The following ZNF526 variants were observed in gnomAD, a reference collection of about 807,000 sequenced individuals.
ZNF526 encodes the protein zinc finger protein 526.
ZNF526 carries 16 observed loss-of-function variants against 32.4 expected under a neutral mutation model. That is an observed-to-expected ratio of 0.49 (90% CI 0.33 to 0.75). The LOEUF (loss-of-function observed/expected upper bound fraction) is 0.75, where lower values mean the gene tolerates loss of function less well. Among genes scored for constraint, ZNF526 ranks in the 30% least tolerant of loss-of-function variants. ZNF526 has a pLI of 0.02. For missense variants in ZNF526, 838 were observed against 920.7 expected, an observed-to-expected ratio of 0.91 and a Z score of 1.16; for synonymous variants, 355 against 363.4, an observed-to-expected ratio of 0.98 and a Z score of 0.26.
In ZNF526 at chr19:42,228,162, T is replaced by C. The variant is rs1436295056; in HGVS notation, c.*1746T>C. 2 of 149,540 alleles carry C rather than the reference T, an allele frequency of 1.3e-5. No homozygotes were observed. Among genetic ancestry groups the C allele is most frequent in the East Asian group, 3.9e-4 (2 of 5,086 alleles). The allele number at this position is 149,540 out of a possible 1,614,324, so 9.3% of individuals were successfully genotyped here. On this transcript the variant is annotated 3_prime_UTR_variant, in exon 3 of 3. Coordinates refer to ENST00000301215, the MANE Select transcript of ZNF526 (RefSeq NM_133444.3). ...CTGCAGTGAGCTGTGTTCACACCAC[T>C]GCACTCCAGTCTGGGCAACAGTGCA...
rs2036155079 is a variant in ZNF526 at position 42,224,670 on chromosome 19, G to A, written c.267G>A (p.Leu89=). ...TTGCTGTCTCAGAGGAGGAGGCACTGACCACACAGAATGTTGGCCTGGAGC... is the reference window on the plus strand; with the variant it reads ...TTGCTGTCTCAGAGGAGGAGGCACTAACCACACAGAATGTTGGCCTGGAGC... ...HMLAVSEEEA[L]TTQNVGLEPE... The change falls in exon 3 of 3, where the codon CTG becomes CTA. Residue 89 remains leucine, a synonymous_variant. Transcript: ENST00000301215. 2.5e-6 allele frequency: 4 copies of A among 1,614,070 alleles called. No homozygotes were observed. The highest frequency in any genetic ancestry group is 1.1e-5 in the South Asian group (1 of 91,084).
chr19:42,224,001 A>G (rs1474553459), intron 1 of ZNF526, among the ~76,000 whole-genome samples: 1 of 140,502 alleles, frequency 7.1e-6, no homozygotes, highest in Non-Finnish European at 1.5e-5. Context: ...ATATATATAT[A>G]TACAAAAATT....
At chr19:42,223,363 C>T (rs575291027) in intron 1 of ZNF526, among the ~76,000 whole-genome samples, 7 of 152,298 alleles carry the variant, frequency 4.6e-5, no homozygotes, top group South Asian at 2.1e-4. Context: ...AAAAATTGGC[C>T]GGGCGTGGTG....
At position 42,227,286 on chromosome 19, in the gene ZNF526, G is replaced by T. The variant is rs2036190068; in HGVS notation, c.*870G>T. ...AAGTAGGAATCTGGCAGTGAAAGAG[G>T]AAAAGAACATTCCAGGCAGACAGCA... On this transcript the variant is annotated 3_prime_UTR_variant, in exon 3 of 3. Coordinates refer to ENST00000301215, the MANE Select transcript of ZNF526 (RefSeq NM_133444.3). The T allele has an allele frequency of 6.0e-6, 1 of 167,254 alleles. No individual in the cohort carries two copies. The highest frequency in any genetic ancestry group is 1.5e-5 in the Non-Finnish European group (1 of 68,272). The allele number at this position is 167,254 out of a possible 1,614,324, so 10.4% of individuals were successfully genotyped here. A position where few individuals can be genotyped will look rare whatever the true frequency, so the allele number is the denominator to read the frequency against.
Position 42,225,494 on chromosome 19 carries a change from A to G in ZNF526, c.1091A>G (p.Asp364Gly). 6.2e-7 allele frequency: 1 copy of G among 1,614,082 alleles called. No individual in the cohort carries two copies. Among genetic ancestry groups the G allele is most frequent in the Non-Finnish European group, 8.5e-7 (1 of 1,179,972 alleles). ...GGGGAAGCCCGCTACCTCTGTGTAGACTGTGGCCGCGGCTTTGGCACAGAA... is the reference window on the plus strand; with the variant it reads ...GGGGAAGCCCGCTACCTCTGTGTAGGCTGTGGCCGCGGCTTTGGCACAGAA... ...HRGEARYLCV[D>G]CGRGFGTELT... Residue 364 changes from aspartate to glycine, a missense_variant, in exon 3 of 3, where the codon GAC (aspartate) becomes GGC (glycine). Asp to Gly is a moderately conservative substitution (Grantham distance 94). Transcript: ENST00000301215.
chr19:42,226,812 T>G lies in ZNF526; in HGVS notation c.*396T>G. The stretch of plus-strand genomic sequence containing the variant: ...GATCCTCTGCTTGTACCCCCAGCCC[T>G]TGCCTTCCCTGGATTTTGGGCACCC... On this transcript the variant is annotated 3_prime_UTR_variant, in exon 3 of 3. Transcript: ENST00000301215. 6.3e-6 allele frequency: 2 copies of G among 319,188 alleles called. No individual in the cohort carries two copies. 19.8% of individuals were successfully genotyped at this position (319,188 alleles called of 1,614,324 possible). A position where few individuals can be genotyped will look rare whatever the true frequency, so the allele number is the denominator to read the frequency against.
chr19:42,225,769 C>A lies in ZNF526; in HGVS notation c.1366C>A (p.Arg456=). The A allele has an allele frequency of 6.2e-7, 1 of 1,613,320 alleles. No individual in the cohort carries two copies. Among genetic ancestry groups the A allele is most frequent in the Non-Finnish European group, 8.5e-7 (1 of 1,179,928 alleles). ...CTCCAAGTCCTTTGCCTCAGCTTCC[C>A]GGCTGTCCCGGCACCGGCGTGCAGT... ...QCSKSFASAS[R]LSRHRRAVHG... Residue 456 remains arginine (R), a synonymous_variant, in exon 3 of 3, where the codon CGG becomes AGG. Transcript: ENST00000301215.
chr19:42,226,606 A>G lies in ZNF526; in HGVS notation c.*190A>G, dbSNP rs907103417. ...TTCTCTTGTCATCTTTCTCTGCCTG[A>G]GGGGAAACTGAAGCTCTGAAATGCG... On this transcript the variant is annotated 3_prime_UTR_variant, in exon 3 of 3. Coordinates refer to ENST00000301215, the MANE Select transcript of ZNF526 (RefSeq NM_133444.3). The G allele has an allele frequency of 2.1e-5, 16 of 768,642 alleles. No homozygotes were observed. The highest frequency in any genetic ancestry group is 1.9e-4 in the Admixed American group (9 of 46,944). 47.6% of individuals were successfully genotyped at this position (768,642 alleles called of 1,614,324 possible).
chr19:42,224,174 A>G, intron 1 of ZNF526, 41 bp from the exon 2 acceptor site: 2 of 533,228 alleles, frequency 3.8e-6, no homozygotes, highest in Non-Finnish European at 6.7e-6. Flanking sequence ...AAAAAAAAAA[A>G]AAAAAAAGAG....
At position 42,226,456 on chromosome 19, in the gene ZNF526, A is replaced by G; in HGVS notation, c.*40A>G. ...AACAACAAAAGGGTTTGGTTGCAACAGCCAGTGTGGGTACCTCTGGGGAGA... is the reference window on the plus strand; with the variant it reads ...AACAACAAAAGGGTTTGGTTGCAACGGCCAGTGTGGGTACCTCTGGGGAGA... On this transcript the variant is annotated 3_prime_UTR_variant, in exon 3 of 3. Coordinates refer to ENST00000301215, the MANE Select transcript of ZNF526 (RefSeq NM_133444.3). The G allele has an allele frequency of 6.2e-7, 1 of 1,613,796 alleles. No individual in the cohort carries two copies. Among genetic ancestry groups the G allele is most frequent in the Non-Finnish European group, 8.5e-7 (1 of 1,179,962 alleles).
Position 42,224,910 on chromosome 19 carries a change from T to C in ZNF526, c.507T>C (p.Ala169=), listed in dbSNP as rs1171628003. 1 of 1,613,978 alleles carries C rather than the reference T, an allele frequency of 6.2e-7. No individual in the cohort carries two copies. Among genetic ancestry groups the C allele is most frequent in the Non-Finnish European group, 8.5e-7 (1 of 1,179,998 alleles). ...CCCAGCACCTTTCTGCTACGGTAGCTGAGCCACCAGTGCCACCTCCTTTGC... is the reference window on the plus strand; with the variant it reads ...CCCAGCACCTTTCTGCTACGGTAGCCGAGCCACCAGTGCCACCTCCTTTGC... ...RKAQHLSATV[A]EPPVPPPLPP... The change falls in exon 3 of 3, where the codon GCT becomes GCC. Residue 169 remains alanine (A), a synonymous_variant. Transcript: ENST00000301215.
chr19:42,224,445 G>A lies in ZNF526; in HGVS notation c.42G>A (p.Gln14=), dbSNP rs1377646857. The A allele has an allele frequency of 2.5e-6, 4 of 1,614,194 alleles. 1 individual carries two copies. The South Asian group carries it at 4.4e-5, about 18-fold the overall frequency. The change falls in exon 3 of 3, where the codon CAG becomes CAA. Residue 14 remains glutamine (Q), a synonymous_variant. Transcript: ENST00000301215. ...VVAEVAEMPT[Q]MSPGAVEMST... Reference sequence around the variant, plus strand: ...CTGAGGTGGCCGAGATGCCAACACAGATGTCACCAGGGGCAGTGGAGATGT... The same window carrying A: ...CTGAGGTGGCCGAGATGCCAACACAAATGTCACCAGGGGCAGTGGAGATGT...
In ZNF526 at chr19:42,226,153, G is replaced by T; in HGVS notation, c.1750G>T (p.Ala584Ser). Residue 584 changes from alanine (A) to serine (S), a missense_variant, in exon 3 of 3, where the codon GCC (alanine) becomes TCC (serine). Ala to Ser is a moderately conservative substitution (Grantham distance 99, BLOSUM62 1). Transcript: ENST00000301215. Reference protein sequence around the residue: ...YCGTCGRWFRAMAGLRLHQRV... With the variant: ...YCGTCGRWFRSMAGLRLHQRV... ...CGGGACTTGTGGCCGCTGGTTCCGC[G>T]CCATGGCGGGCTTGCGACTGCATCA... 1 of 1,607,112 alleles carries T rather than the reference G, an allele frequency of 6.2e-7. No individual in the cohort carries two copies. Among genetic ancestry groups the T allele is most frequent in the Non-Finnish European group, 8.5e-7 (1 of 1,180,000 alleles).
Position 42,227,686 on chromosome 19 carries a change from G to A in ZNF526, c.*1270G>A, listed in dbSNP as rs1208521552. ...AGGCAGGAGAATGGCGTGAACCCGG[G>A]AGGCGGAGCTTGCAGTGAGCCGAGA... is the stretch of plus-strand genomic sequence containing the variant. On this transcript the variant is annotated 3_prime_UTR_variant, in exon 3 of 3. Transcript: ENST00000301215. 6.6e-6 allele frequency: 1 copy of A among 152,212 alleles called. No individual in the cohort carries two copies. Among genetic ancestry groups the A allele is most frequent in the Non-Finnish European group, 1.5e-5 (1 of 68,056 alleles). 9.4% of individuals were successfully genotyped at this position (152,212 alleles called of 1,614,324 possible).
In ZNF526 at chr19:42,224,471, C is replaced by G; in HGVS notation, c.68C>G (p.Ser23Ter). The G allele has an allele frequency of 6.2e-7, 1 of 1,614,166 alleles. No homozygotes were observed. Among genetic ancestry groups the G allele is most frequent in the Non-Finnish European group, 8.5e-7 (1 of 1,180,026 alleles). The change falls in exon 3 of 3, where the codon TCA becomes TGA. Residue 23 changes from serine to a stop codon, truncating the protein, a stop_gained. Transcript: ENST00000301215. LOFTEE classifies it low-confidence loss of function (END_TRUNC). ...TQMSPGAVEM[S>*]TPMSAEMMEM... ...ATGTCACCAGGGGCAGTGGAGATGTCAACACCTATGTCGGCAGAGATGATG... is the reference window on the plus strand; with the variant it reads ...ATGTCACCAGGGGCAGTGGAGATGTGAACACCTATGTCGGCAGAGATGATG...
In ZNF526 at chr19:42,228,043, ATGAT is replaced by A. The variant is rs2036196450; in HGVS notation, c.*1630_*1633del. On this transcript the variant is annotated 3_prime_UTR_variant, in exon 3 of 3. Transcript: ENST00000301215. Reference sequence around the variant, plus strand: ...GACTTTGTCTCTATTAAAAATAAAAATGATTGGCCGAGCATGGTGGTGCACACCA... The same window carrying A: ...GACTTTGTCTCTATTAAAAATAAAAATGGCCGAGCATGGTGGTGCACACCA... 1 of 151,994 alleles carries A rather than the reference ATGAT, an allele frequency of 6.6e-6. No individual in the cohort carries two copies. Among genetic ancestry groups the A allele is most frequent in the African/African-American group, 2.4e-5 (1 of 41,386 alleles). 9.4% of individuals were successfully genotyped at this position (151,994 alleles called of 1,614,324 possible).
rs1007528095 is a variant in ZNF526 at position 42,226,779 on chromosome 19, C to G, written c.*363C>G. The G allele has an allele frequency of 5.9e-5, 23 of 391,890 alleles. No homozygotes were observed. The highest frequency in any genetic ancestry group is 1.1e-4 in the Non-Finnish European group (21 of 197,016). 24.3% of individuals were successfully genotyped at this position (391,890 alleles called of 1,614,324 possible). A position where few individuals can be genotyped will look rare whatever the true frequency, so the allele number is the denominator to read the frequency against. Reference sequence around the variant, plus strand: ...GGTCTGTGCTGGCCACTCTCATATACCTCTTCAGATCCTCTGCTTGTACCC... The same window carrying G: ...GGTCTGTGCTGGCCACTCTCATATAGCTCTTCAGATCCTCTGCTTGTACCC... On this transcript the variant is annotated 3_prime_UTR_variant, in exon 3 of 3. Transcript: ENST00000301215.
rs1383679431 is a variant in ZNF526, at chr19:42,226,566, A to G, written c.*150A>G. The G allele has an allele frequency of 3.0e-6, 3 of 1,000,880 alleles. No homozygotes were observed. The highest frequency in any genetic ancestry group is 1.6e-6 in the Non-Finnish European group (1 of 644,462). 62.0% of individuals were successfully genotyped at this position (1,000,880 alleles called of 1,614,324 possible). A position where few individuals can be genotyped will look rare whatever the true frequency, so the allele number is the denominator to read the frequency against. On this transcript the variant is annotated 3_prime_UTR_variant, in exon 3 of 3. Transcript: ENST00000301215. Reference sequence around the variant, plus strand: ...TCTTTTTACCCACTGACTCCCCAGAACAACCCTTCCAGGCTTCTCTTGTCA... The same window carrying G: ...TCTTTTTACCCACTGACTCCCCAGAGCAACCCTTCCAGGCTTCTCTTGTCA...
Position 42,224,878 on chromosome 19 carries a change from C to A in ZNF526, c.475C>A (p.Arg159=). The change falls in exon 3 of 3, where the codon CGA becomes AGA. Residue 159 remains arginine, a synonymous_variant. Coordinates refer to ENST00000301215, the MANE Select transcript of ZNF526 (RefSeq NM_133444.3). ...FPSPELWVAH[R]KAQHLSATVA... is the part of the protein sequence containing the mutation. The stretch of plus-strand genomic sequence containing the variant: ...CTCGCCCGAGCTGTGGGTGGCTCAT[C>A]GAAAGGCCCAGCACCTTTCTGCTAC... 1 of 1,614,080 alleles carries A rather than the reference C, an allele frequency of 6.2e-7. No homozygotes were observed. Among genetic ancestry groups the A allele is most frequent in the Non-Finnish European group, 8.5e-7 (1 of 1,180,024 alleles).
Sources: gnomAD v4.1 joint callset for allele counts (sites outside exome capture counted in the v4.1 genomes callset) on GRCh38, gnomAD v4.1.1 for gene constraint, MANE v1.5 for transcripts, NCBI Gene and HGNC (gene_info 2026-07-23, HGNC 2026-07-21) for gene names.